The following MYO5A variants were observed in gnomAD, a reference collection of about 807,000 sequenced individuals.
MYO5A encodes unconventional myosin-Va.
In MYO5A, 98 loss-of-function variants were observed where a neutral mutation model predicts 249.7. That is an observed-to-expected ratio of 0.39 (90% CI 0.33 to 0.46). The LOEUF (loss-of-function observed/expected upper bound fraction) is 0.46, where lower values mean the gene tolerates loss of function less well. MYO5A is among the 20% of genes least tolerant of loss of function. The pLI, the probability that MYO5A is intolerant of heterozygous loss-of-function variation, is 0.98. For synonymous variants in MYO5A, 778 were observed against 810.6 expected (o/e 0.96, Z 0.68); for missense variants, 1,696 against 2,308.8 (o/e 0.73, Z 5.44).
At chr15:52,423,972 T>A (rs1239835429) in intron 4 of MYO5A, among the ~76,000 whole-genome samples, 1 of 152,266 alleles carries the variant, frequency 6.6e-6, no homozygotes, top group Non-Finnish European at 1.5e-5. Flanking sequence ...AAGAGTCATA[T>A]AATTCTCTGA....
chr15:52,455,219 T>C (rs965981508), intron 1 of MYO5A, among the ~76,000 whole-genome samples: 8 of 151,952 alleles, frequency 5.3e-5, no homozygotes, highest in South Asian at 2.1e-4. Context: ...CTAGAATAAA[T>C]TGATAATTCC....
intron 16 of MYO5A, among the ~76,000 whole-genome samples, chr15:52,380,138 C>T (rs1358511224): frequency 6.6e-6 from 1 of 152,198 alleles, no homozygotes; most frequent in Non-Finnish European, 1.5e-5. Flanking sequence ...ACTCAAACCA[C>T]AAACTCATAA....
At chr15:52,345,307 C>A (rs908962952) in intron 30 of MYO5A, among the ~76,000 whole-genome samples, 5 of 152,030 alleles carry the variant, frequency 3.3e-5, no homozygotes, top group African/African-American at 4.8e-5. Flanking sequence ...TAGGGCCGGG[C>A]GCAGTGGCTC....
chr15:52,382,986 A>AT (rs1225573301), intron 16 of MYO5A, 105 bp downstream of exon 16: 3 of 993,682 alleles, frequency 3.0e-6, no homozygotes, highest in African/African-American at 1.6e-5. Context: ...TTACCCAAAT[A>AT]TTTTTTTCCT....
rs915197360 is a variant in MYO5A at position 52,308,328 on chromosome 15, T to G, written c.*5368A>C. 5.3e-5 allele frequency: 8 copies of G among 152,258 alleles called. No individual in the cohort carries two copies. The highest frequency in any genetic ancestry group is 1.2e-4 in the Non-Finnish European group (8 of 68,036). The allele number at this position is 152,258 out of a possible 1,614,324, so 9.4% of individuals were successfully genotyped here. A position where few individuals can be genotyped will look rare whatever the true frequency, so the allele number is the denominator to read the frequency against. On this transcript the variant is annotated 3_prime_UTR_variant, in exon 42 of 42. Coordinates refer to ENST00000399233, the MANE Select transcript of MYO5A (RefSeq NM_001382347.1). ...ATCTACTATAATTCAGGTTGGTTTA[T>G]CTAATTTAGGGTAATACAACAGATT...
intron 1 of MYO5A, among the ~76,000 whole-genome samples, chr15:52,462,517 C>A (rs143505210): frequency 6.6e-6 from 1 of 151,828 alleles, no homozygotes; most frequent in African/African-American, 2.4e-5. Context: ...CATGATAAGA[C>A]AATTACTAGA....
At chr15:52,376,623 A>T in intron 18 of MYO5A, 65 bp from the exon 19 acceptor site, 1 of 1,484,378 alleles carries the variant, frequency 6.7e-7, no homozygotes, top group Non-Finnish European at 9.3e-7. Context: ...AAAAGAAAAA[A>T]TGTCTAAAAG....
At chr15:52,482,460 C>G (rs189906379) in intron 1 of MYO5A, among the ~76,000 whole-genome samples, 68 of 152,272 alleles carry the variant, frequency 4.5e-4, no homozygotes, top group African/African-American at 1.5e-3. Context: ...CCATGTTGAA[C>G]ATATTGAAAC....
intron 1 of MYO5A, among the ~76,000 whole-genome samples, chr15:52,473,017 A>C (rs749828018): frequency 2.6e-5 from 4 of 152,226 alleles, no homozygotes; most frequent in Non-Finnish European, 5.9e-5. Context: ...CAGCAGTGTA[A>C]AAGTGTTCCT....
At chr15:52,474,211 G>A (rs1326785896) in intron 1 of MYO5A, among the ~76,000 whole-genome samples, 1 of 152,228 alleles carries the variant, frequency 6.6e-6, no homozygotes, top group African/African-American at 2.4e-5. Context: ...TGATGTGTAA[G>A]AATGCTTGTG....
intron 1 of MYO5A, among the ~76,000 whole-genome samples, chr15:52,501,919 AC>A (rs2077168330): frequency 6.7e-6 from 1 of 149,568 alleles, no homozygotes; most frequent in Admixed American, 6.7e-5. Context: ...ACTGTATTTT[AC>A]TTTTCTCTAT....
chr15:52,480,046 C>G (rs1245225743), intron 1 of MYO5A, among the ~76,000 whole-genome samples: 1 of 152,200 alleles, frequency 6.6e-6, no homozygotes. Flanking sequence ...ATGCTGTCTC[C>G]TCTCTCCCAA....
chr15:52,392,416 G>T (rs540508826), intron 11 of MYO5A, among the ~76,000 whole-genome samples: 1 of 152,360 alleles, frequency 6.6e-6, no homozygotes, highest in South Asian at 2.1e-4. Context: ...ACACAGGAAT[G>T]CCTTAGCTGG....
At chr15:52,390,550 T>C (rs1489808602) in intron 12 of MYO5A, among the ~76,000 whole-genome samples, 1 of 148,430 alleles carries the variant, frequency 6.7e-6, no homozygotes, top group Non-Finnish European at 1.5e-5. Flanking sequence ...CTCCCTCTCT[T>C]TTTTTTTTTC....
chr15:52,469,823 C>T (rs906126863), intron 1 of MYO5A, among the ~76,000 whole-genome samples: 1 of 152,168 alleles, frequency 6.6e-6, no homozygotes. Flanking sequence ...TTTTTTCTCA[C>T]AGTCCGGCAC....
chr15:52,348,551 C>G (rs2039770245), intron 29 of MYO5A, among the ~76,000 whole-genome samples: 1 of 152,198 alleles, frequency 6.6e-6, no homozygotes, highest in Non-Finnish European at 1.5e-5. Flanking sequence ...GACAGCCTAC[C>G]AGAACTACGG....
At position 52,351,127 on chromosome 15, in the gene MYO5A, A is replaced by G. The variant is rs553021318; in HGVS notation, c.3849+127T>C. On this transcript the variant is annotated intron_variant, in intron 28 of 41. Transcript: ENST00000399233. The stretch of plus-strand genomic sequence containing the variant: ...ACAACACTGGGATTTTTTTAAAAAA[A>G]TAATGAATCCTCAATTAGATTAAAA... The G allele has an allele frequency of 4.9e-6, 4 of 823,238 alleles. No individual in the cohort carries two copies. The East Asian group carries it at 1.1e-4, about 22-fold the overall frequency. 51.0% of individuals were successfully genotyped at this position (823,238 alleles called of 1,614,324 possible).
At chr15:52,408,582 A>G (rs2043110315) in intron 6 of MYO5A, among the ~76,000 whole-genome samples, 1 of 152,208 alleles carries the variant, frequency 6.6e-6, no homozygotes, top group South Asian at 2.1e-4. Context: ...GGTTATTTGT[A>G]GGAAAGTCAC....
intron 23 of MYO5A, among the ~76,000 whole-genome samples, chr15:52,366,629 C>CAAAAAAAA (rs60631867): frequency 4.0e-5 from 3 of 74,550 alleles, no homozygotes; most frequent in East Asian, 3.5e-4. Flanking sequence ...ATTGATTTAG[C>CAAAAAAAA]AAAAAAAAAA....
Sources: allele counts gnomAD v4.1 joint callset (sites outside exome capture counted in the v4.1 genomes callset), GRCh38; gene constraint gnomAD v4.1.1; transcripts MANE v1.5; gene names NCBI Gene and HGNC (gene_info 2026-07-23, HGNC 2026-07-21).